The following CSMD3 variants were observed in gnomAD, a reference collection of about 807,000 sequenced individuals.
The protein encoded by CSMD3 is CUB and Sushi multiple domains 3.
CSMD3 carries 177 observed loss-of-function variants against 435.2 expected under a neutral mutation model. The observed-to-expected ratio is 0.41, with a 90% CI of 0.36 to 0.46. CSMD3 has a LOEUF of 0.46. Among genes scored for constraint, CSMD3 ranks in the 20% least tolerant of loss-of-function variants. The pLI, the probability that CSMD3 is intolerant of heterozygous loss-of-function variation, is 0.34. For synonymous variants in CSMD3, 1,656 were observed against 1,520.5 expected (o/e 1.09, Z -2.07); for missense variants, 4,265 against 4,504.6 (o/e 0.95, Z 1.52).
intron 1 of CSMD3, among the ~76,000 whole-genome samples, chr8:113,331,447 TGC>T (rs1483950399): frequency 6.6e-6 from 1 of 151,732 alleles, no homozygotes; most frequent in East Asian, 1.9e-4. Flanking sequence ...AAGACCATCT[TGC>T]TCTGATATCA....
chr8:112,225,435 CA>C (rs1048379137), intron 70 of CSMD3, among the ~76,000 whole-genome samples: 1 of 151,266 alleles, frequency 6.6e-6, no homozygotes, highest in African/African-American at 2.4e-5. Context: ...TAAATAAAAC[CA>C]AAAATAGTAG....
chr8:112,768,090 T>C (rs11995039), intron 13 of CSMD3, among the ~76,000 whole-genome samples: 1,804 of 151,786 alleles, frequency 0.012, 40 homozygotes, highest in African/African-American at 0.042. Flanking sequence ...ATTTGACATA[T>C]AGTTTATGTT....
rs1232109259 is a variant in CSMD3, at chr8:112,666,131, AAG to A, written c.2816+144_2816+145del. On this transcript the variant is annotated intron_variant, in intron 17 of 70. Transcript: ENST00000297405. ...ACTTGGAAACACGCTGAAAGGTTAAAAGGGGGCAAACAGATGGAAGCATTCAA... is the reference window on the plus strand; with the variant it reads ...ACTTGGAAACACGCTGAAAGGTTAAAGGGGCAAACAGATGGAAGCATTCAA... 4.3e-6 allele frequency: 3 copies of A among 704,194 alleles called. No individual in the cohort carries two copies. In the African/African-American group the frequency reaches 5.3e-5, roughly 12 times the overall value. 43.6% of individuals were successfully genotyped at this position (704,194 alleles called of 1,614,324 possible).
At chr8:112,489,431 T>TA in intron 31 of CSMD3, among the ~76,000 whole-genome samples, 1 of 151,966 alleles carries the variant, frequency 6.6e-6, no homozygotes, top group East Asian at 1.9e-4. Flanking sequence ...TCTGAAAAAA[T>TA]AAAAAAGATA....
intron 10 of CSMD3, among the ~76,000 whole-genome samples, chr8:112,860,943 A>G (rs752304773): frequency 9.9e-5 from 15 of 151,846 alleles, no homozygotes; most frequent in Non-Finnish European, 1.8e-4. Flanking sequence ...TAGCTCTCAA[A>G]TCTACATCAC....
At chr8:112,489,029 A>C (rs184533473) in intron 31 of CSMD3, among the ~76,000 whole-genome samples, 186 of 152,322 alleles carry the variant, frequency 1.2e-3, no homozygotes, top group South Asian at 1.9e-3. Flanking sequence ...TAAAAATAAA[A>C]AAATTATCTT....
chr8:112,370,684 T>A (rs1254991167), intron 38 of CSMD3, among the ~76,000 whole-genome samples: 1 of 152,094 alleles, frequency 6.6e-6, no homozygotes, highest in Non-Finnish European at 1.5e-5. Context: ...CACCATAACA[T>A]CCTTCTTTTT....
At chr8:112,802,618 G>C (rs2078985515) in intron 12 of CSMD3, among the ~76,000 whole-genome samples, 1 of 151,612 alleles carries the variant, frequency 6.6e-6, no homozygotes, top group Admixed American at 6.6e-5. Context: ...ATTTTATGGA[G>C]AGCTTTTACT....
chr8:113,213,508 T>C (rs973328288), intron 3 of CSMD3, among the ~76,000 whole-genome samples: 20 of 151,056 alleles, frequency 1.3e-4, no homozygotes, highest in Non-Finnish European at 2.4e-4. Flanking sequence ...TATTCTTTTG[T>C]GTGTTTTTTT....
At chr8:113,098,277 T>G (rs1588069427) in intron 5 of CSMD3, among the ~76,000 whole-genome samples, 1 of 152,140 alleles carries the variant, frequency 6.6e-6, no homozygotes, top group African/African-American at 2.4e-5. Flanking sequence ...TAAAGAAGCA[T>G]TTTACTTTAA....
chr8:113,346,639 G>T (rs763025051), intron 1 of CSMD3, among the ~76,000 whole-genome samples: 1 of 151,928 alleles, frequency 6.6e-6, no homozygotes, highest in Non-Finnish European at 1.5e-5. Context: ...TCTTTACCCT[G>T]CCTGTTTAGA....
In CSMD3 at chr8:112,976,053, C is replaced by T. The variant is rs772711273; in HGVS notation, c.1126G>A (p.Asp376Asn). 6.2e-7 allele frequency: 1 copy of T among 1,613,938 alleles called. No individual in the cohort carries two copies. Among genetic ancestry groups the T allele is most frequent in the African/African-American group, 1.3e-5 (1 of 74,900 alleles). Residue 376 changes from aspartate to asparagine, a missense_variant, in exon 7 of 71, where the codon GAT (aspartate) becomes AAT (asparagine). This residue lies in a region of CSMD3 where 731 missense variants were observed against 755.4 expected (regional missense o/e 0.97). Coordinates refer to ENST00000297405, the MANE Select transcript of CSMD3 (RefSeq NM_198123.2). ...GAIAVASTPA[D>N]VTVSSVTAVT... Reference sequence around the variant, plus strand: ...GCTGTAACACTGGATACAGTAACATCTGCAGGTGTGCTAGCAACAGCAATA... The same window carrying T: ...GCTGTAACACTGGATACAGTAACATTTGCAGGTGTGCTAGCAACAGCAATA...
intron 5 of CSMD3, among the ~76,000 whole-genome samples, chr8:113,045,674 G>A (rs1253463622): frequency 2.0e-5 from 3 of 149,512 alleles, no homozygotes; most frequent in East Asian, 1.9e-4. Context: ...GAACTGGAGT[G>A]TGGTTCAGAC....
At chr8:113,175,489 T>C (rs185343889) in intron 3 of CSMD3, among the ~76,000 whole-genome samples, 115 of 152,070 alleles carry the variant, frequency 7.6e-4, no homozygotes, top group African/African-American at 2.7e-3. Context: ...GTGTCAGTAA[T>C]GAAAGTTATT....
chr8:112,352,858 C>T (rs1826253831), intron 38 of CSMD3, among the ~76,000 whole-genome samples: 2 of 151,826 alleles, frequency 1.3e-5, no homozygotes, highest in South Asian at 4.2e-4. Flanking sequence ...AAAGAAAATT[C>T]CTACATGAAA....
chr8:113,276,059 TC>T (rs951154979), intron 3 of CSMD3, among the ~76,000 whole-genome samples: 1 of 152,022 alleles, frequency 6.6e-6, no homozygotes, highest in Non-Finnish European at 1.5e-5. Flanking sequence ...CCTGGCAGTA[TC>T]ACTGGCTACA....
chr8:112,512,600 G>A (rs1280684540), intron 28 of CSMD3, among the ~76,000 whole-genome samples: 8 of 152,146 alleles, frequency 5.3e-5, no homozygotes, highest in Non-Finnish European at 8.8e-5. Context: ...TCCATTTATA[G>A]ATCACAGGTA....
intron 4 of CSMD3, among the ~76,000 whole-genome samples, chr8:113,130,634 C>G (rs145813883): frequency 7.2e-4 from 109 of 152,074 alleles, no homozygotes; most frequent in Non-Finnish European, 1.2e-4. Flanking sequence ...TAGACTAATA[C>G]AGAAAATTTG....
At chr8:112,932,227 T>C (rs1425809974) in intron 9 of CSMD3, among the ~76,000 whole-genome samples, 9 of 152,174 alleles carry the variant, frequency 5.9e-5, no homozygotes. Flanking sequence ...ACAAATGTAG[T>C]GTGTATACAC....
Sources: gnomAD v4.1 joint callset for allele counts (sites outside exome capture counted in the v4.1 genomes callset) on GRCh38, gnomAD v4.1.1 for gene constraint, gnomAD v4.1.1 regional missense constraint, MANE v1.5 for transcripts, NCBI Gene and HGNC (gene_info 2026-07-23, HGNC 2026-07-21) for gene names.